PLAG1: variants seen among roughly 807,000 people sequenced by gnomAD.
PLAG1 encodes the protein zinc finger protein PLAG1.
A neutral mutation model predicts 35.5 loss-of-function variants in PLAG1; 7 were observed. That is an observed-to-expected ratio of 0.20 (90% CI 0.11 to 0.37). PLAG1 has a LOEUF of 0.37. Among genes scored for constraint, PLAG1 ranks in the 10% least tolerant of loss-of-function variants. PLAG1 has a pLI of 1.00. For synonymous variants in PLAG1, 229 were observed against 225.4 expected, an observed-to-expected ratio of 1.02 and a Z score of -0.14; for missense variants, 454 against 602.8, an observed-to-expected ratio of 0.75 and a Z score of 2.58.
intron 1 of PLAG1, among the ~76,000 whole-genome samples, chr8:56,189,814 T>C (rs1261484061): frequency 6.6e-6 from 1 of 152,006 alleles, no homozygotes; most frequent in Non-Finnish European, 1.5e-5. Flanking sequence ...TGCGTCCCAG[T>C]CGGGGGAGAA....
chr8:56,170,492 T>G (rs1402056011), intron 3 of PLAG1, among the ~76,000 whole-genome samples: 2 of 152,194 alleles, frequency 1.3e-5, no homozygotes, highest in African/African-American at 4.8e-5. Flanking sequence ...TAATTTTCAT[T>G]ATTTGATTTC....
chr8:56,166,289 A>G lies in PLAG1; in HGVS notation c.1457T>C (p.Leu486Ser). 1 of 1,610,402 alleles carries G rather than the reference A, an allele frequency of 6.2e-7. No individual in the cohort carries two copies. The highest frequency in any genetic ancestry group is 1.3e-5 in the African/African-American group (1 of 74,800). ...ACGTGGGAGGGTGGTACTTGTGCTT[A>G]AACTGCTGGTGAAAGCTGCTGACAG... Reference protein sequence around the residue: ...HSLSAAFTSSLSTSTTLPRFH... With the variant: ...HSLSAAFTSSSSTSTTLPRFH... Residue 486 changes from leucine to serine, a missense_variant, in exon 5 of 5, where the codon TTA becomes TCA. This residue lies in a region of PLAG1 where 271 missense variants were observed against 315.6 expected (regional missense o/e 0.86). Coordinates refer to ENST00000316981, the MANE Select transcript of PLAG1 (RefSeq NM_002655.3).
intron 1 of PLAG1, among the ~76,000 whole-genome samples, chr8:56,194,458 C>G (rs1389092421): frequency 1.3e-5 from 2 of 152,152 alleles, no homozygotes; most frequent in African/African-American, 4.8e-5. Context: ...CTGTGTCAGG[C>G]TGAGGTGGCA....
intron 1 of PLAG1, among the ~76,000 whole-genome samples, chr8:56,183,008 G>C (rs1811916864): frequency 6.6e-6 from 1 of 152,190 alleles, no homozygotes; most frequent in Non-Finnish European, 1.5e-5. Context: ...TGAGTAGAAG[G>C]GTCCTATGTC....
chr8:56,175,292 C>T (rs1462241937), intron 2 of PLAG1, among the ~76,000 whole-genome samples: 1 of 152,104 alleles, frequency 6.6e-6, no homozygotes, highest in Non-Finnish European at 1.5e-5. Flanking sequence ...ATAAAAATTT[C>T]CAAAGTGAAA....
Position 56,166,942 on chromosome 8 carries a change from C to G in PLAG1, c.804G>C (p.Pro268=). ...VSVPIKDELL[P]VMSLPSSELL... ...GTTCACTGGAAGGTAAGGACATCACCGGAAGGAGCTCGTCTTTTATAGGCA... is the reference window on the plus strand; with the variant it reads ...GTTCACTGGAAGGTAAGGACATCACGGGAAGGAGCTCGTCTTTTATAGGCA... The change falls in exon 5 of 5, where the codon CCG becomes CCC. Residue 268 remains proline (P), a synonymous_variant. Transcript: ENST00000316981. The G allele has an allele frequency of 6.2e-7, 1 of 1,613,962 alleles. No individual in the cohort carries two copies. The highest frequency in any genetic ancestry group is 8.5e-7 in the Non-Finnish European group (1 of 1,179,956).
chr8:56,195,202 T>A (rs915529330), intron 1 of PLAG1, among the ~76,000 whole-genome samples: 2 of 152,190 alleles, frequency 1.3e-5, no homozygotes, highest in Non-Finnish European at 2.9e-5. Flanking sequence ...ACCACTTGAA[T>A]GGAACCAGGT....
Position 56,164,808 on chromosome 8 carries a change from T to C in PLAG1, c.*1435A>G. 1 of 211,328 alleles carries C rather than the reference T, an allele frequency of 4.7e-6. No individual in the cohort carries two copies. The highest frequency in any genetic ancestry group is 7.1e-5 in the East Asian group (1 of 14,000). The allele number at this position is 211,328 out of a possible 1,614,324, so 13.1% of individuals were successfully genotyped here. On this transcript the variant is annotated 3_prime_UTR_variant, in exon 5 of 5. Transcript: ENST00000316981. ...AATATATTCTCAATTGTTATTTTCA[T>C]GTTAACCAAGATAGGTTTGTTTTAC... is the stretch of plus-strand genomic sequence containing the variant.
Position 56,163,676 on chromosome 8 carries a change from T to C in PLAG1, c.*2567A>G, listed in dbSNP as rs564792112. On this transcript the variant is annotated 3_prime_UTR_variant, in exon 5 of 5. Coordinates refer to ENST00000316981, the MANE Select transcript of PLAG1 (RefSeq NM_002655.3). ...ATTTAAGTATGTGTGTGTGTGTGTA[T>C]ATATACACACACACACACACACATA... 2.4e-4 allele frequency: 46 copies of C among 190,438 alleles called. No homozygotes were observed. The highest frequency in any genetic ancestry group is 4.7e-4 in the African/African-American group (20 of 42,744). 11.8% of individuals were successfully genotyped at this position (190,438 alleles called of 1,614,324 possible).
At chr8:56,184,145 A>G (rs1297921736) in intron 1 of PLAG1, among the ~76,000 whole-genome samples, 1 of 152,230 alleles carries the variant, frequency 6.6e-6, no homozygotes, top group Non-Finnish European at 1.5e-5. Flanking sequence ...AAACTCAACA[A>G]TAAAAAACAA....
In PLAG1 at chr8:56,163,698, CAT is replaced by C. The variant is rs992508851; in HGVS notation, c.*2543_*2544del. ...GTATATATACACACACACACACACA[CAT>C]ACACATACATACATATATGGCGCTA... On this transcript the variant is annotated 3_prime_UTR_variant, in exon 5 of 5. Transcript: ENST00000316981. 2.6e-5 allele frequency: 5 copies of C among 189,688 alleles called. No homozygotes were observed. The highest frequency in any genetic ancestry group is 9.4e-5 in the African/African-American group (4 of 42,582). The allele number at this position is 189,688 out of a possible 1,614,324, so 11.8% of individuals were successfully genotyped here.
Position 56,160,975 on chromosome 8 carries a change from A to G in PLAG1, c.*5268T>C, listed in dbSNP as rs1297109290. 1.1e-5 allele frequency: 2 copies of G among 179,516 alleles called. No individual in the cohort carries two copies. Among genetic ancestry groups the G allele is most frequent in the Non-Finnish European group, 1.2e-5 (1 of 83,758 alleles). The allele number at this position is 179,516 out of a possible 1,614,324, so 11.1% of individuals were successfully genotyped here. ...CACATATCTTATTCTTACAGCAAAC[A>G]TAACACTGTAGGCCACAAGAAGCTG... On this transcript the variant is annotated 3_prime_UTR_variant, in exon 5 of 5. Transcript: ENST00000316981.
chr8:56,183,653 A>G (rs1348248923), intron 1 of PLAG1, among the ~76,000 whole-genome samples: 2 of 152,206 alleles, frequency 1.3e-5, no homozygotes, highest in Non-Finnish European at 2.9e-5. Flanking sequence ...TCTACATTAT[A>G]CAAATGTCTT....
chr8:56,175,208 C>T, intron 2 of PLAG1, among the ~76,000 whole-genome samples: 1 of 152,160 alleles, frequency 6.6e-6, no homozygotes. Context: ...CCTCAGAAAA[C>T]AAGCATTCTC....
intron 1 of PLAG1, among the ~76,000 whole-genome samples, chr8:56,195,954 A>G (rs2129232518): frequency 6.6e-6 from 1 of 152,266 alleles, no homozygotes; most frequent in Admixed American, 6.5e-5. Context: ...TGACAGACCT[A>G]GTCTCGCGGG....
At chr8:56,169,434 A>T (rs1279977454) in intron 3 of PLAG1, among the ~76,000 whole-genome samples, 1 of 152,192 alleles carries the variant, frequency 6.6e-6, no homozygotes, top group Non-Finnish European at 1.5e-5. Context: ...ACCTTTAAAA[A>T]TTCATCGACA....
intron 1 of PLAG1, among the ~76,000 whole-genome samples, chr8:56,182,314 A>G (rs1202358861): frequency 1.3e-5 from 2 of 152,154 alleles, no homozygotes; most frequent in Non-Finnish European, 2.9e-5. Context: ...ACAAAAAGAG[A>G]TATGAGGAAG....
intron 1 of PLAG1, among the ~76,000 whole-genome samples, chr8:56,196,043 G>T (rs1812353646): frequency 6.6e-6 from 1 of 152,166 alleles, no homozygotes. Context: ...GGGGAATTTG[G>T]GGAGCACAGA....
chr8:56,165,953 T>C lies in PLAG1; in HGVS notation c.*290A>G, dbSNP rs920635386. On this transcript the variant is annotated 3_prime_UTR_variant, in exon 5 of 5. Coordinates refer to ENST00000316981, the MANE Select transcript of PLAG1 (RefSeq NM_002655.3). Reference sequence around the variant, plus strand: ...TCTAAAAGTAATTTGAAAATGGGATTTGTAAAAGTTTACTACTAATAATGG... The same window carrying C: ...TCTAAAAGTAATTTGAAAATGGGATCTGTAAAAGTTTACTACTAATAATGG... 1 of 233,826 alleles carries C rather than the reference T, an allele frequency of 4.3e-6. No individual in the cohort carries two copies. Among genetic ancestry groups the C allele is most frequent in the Non-Finnish European group, 8.4e-6 (1 of 119,554 alleles). 14.5% of individuals were successfully genotyped at this position (233,826 alleles called of 1,614,324 possible). A position where few individuals can be genotyped will look rare whatever the true frequency, so the allele number is the denominator to read the frequency against.
Sources: gnomAD v4.1 joint callset for allele counts (sites outside exome capture counted in the v4.1 genomes callset) on GRCh38, gnomAD v4.1.1 for gene constraint, gnomAD v4.1.1 regional missense constraint, MANE v1.5 for transcripts, NCBI Gene and HGNC (gene_info 2026-07-23, HGNC 2026-07-21) for gene names.